Variants in RYR3 observed in about 807,000 individuals in gnomAD.
RYR3 encodes brain ryanodine receptor-calcium release channel.
Under a neutral mutation model 584.3 loss-of-function variants are expected in RYR3, and 207 were observed. That is an observed-to-expected ratio of 0.35 (90% CI 0.32 to 0.40). RYR3 has a LOEUF of 0.40. RYR3 is among the 10% of genes least tolerant of loss of function. RYR3 has a pLI of 1.00. For missense variants in RYR3, 5,616 were observed against 6,089.2 expected (o/e 0.92, Z 2.59); for synonymous variants, 2,416 against 2,248.5 (o/e 1.07, Z -2.11).
chr15:33,350,395 C>G (rs1282276386), intron 1 of RYR3, among the ~76,000 whole-genome samples: 1 of 152,104 alleles, frequency 6.6e-6, no homozygotes, highest in Non-Finnish European at 1.5e-5. Context: ...GAACTCAGCT[C>G]TGCACCAAGT....
At chr15:33,622,926 A>G (rs2060798433) in intron 19 of RYR3, among the ~76,000 whole-genome samples, 1 of 152,198 alleles carries the variant, frequency 6.6e-6, no homozygotes, top group Non-Finnish European at 1.5e-5. Flanking sequence ...ATCTAACTCT[A>G]ACCTAACCCA....
intron 2 of RYR3, among the ~76,000 whole-genome samples, chr15:33,497,728 T>C (rs1240560119): frequency 6.6e-6 from 1 of 152,216 alleles, no homozygotes; most frequent in East Asian, 1.9e-4. Context: ...GTTAGAAACA[T>C]TCAAAATCTG....
intron 48 of RYR3, among the ~76,000 whole-genome samples, chr15:33,734,616 G>T (rs62012615): frequency 0.29 from 43,986 of 151,294 alleles, 7,484 homozygotes; most frequent in African/African-American, 0.47. Flanking sequence ...TAACAAAGTC[G>T]CATTGGTGAG....
chr15:33,555,065 TAG>T (rs2056977790), intron 10 of RYR3, among the ~76,000 whole-genome samples: 1 of 152,214 alleles, frequency 6.6e-6, no homozygotes, highest in African/African-American at 2.4e-5. Flanking sequence ...TGTTCCCAAT[TAG>T]AGGAAATTTT....
chr15:33,336,852 G>C (rs868605192), intron 1 of RYR3, among the ~76,000 whole-genome samples: 1 of 151,476 alleles, frequency 6.6e-6, no homozygotes, highest in East Asian at 2.0e-4. Flanking sequence ...TCAGGAGATC[G>C]AGACCGTCCT....
intron 39 of RYR3, 29 bp from the exon 40 acceptor site, chr15:33,697,853 C>G (rs555974880): frequency 1.1e-4 from 162 of 1,410,822 alleles, no homozygotes; most frequent in Admixed American, 1.5e-4. Flanking sequence ...TAAGCAGGTG[C>G]TGAAGACTCT....
intron 35 of RYR3, among the ~76,000 whole-genome samples, chr15:33,663,280 T>G (rs1043721687): frequency 6.6e-6 from 1 of 152,134 alleles, no homozygotes; most frequent in Non-Finnish European, 1.5e-5. Context: ...CTGGAGCTGG[T>G]TTTTCTACTC....
intron 1 of RYR3, among the ~76,000 whole-genome samples, chr15:33,381,900 C>T (rs1298733867): frequency 6.6e-6 from 1 of 152,180 alleles, no homozygotes; most frequent in South Asian, 2.1e-4. Context: ...TATTATTTCA[C>T]TTAGTTATAT....
At chr15:33,368,237 T>G (rs928089759) in intron 1 of RYR3, among the ~76,000 whole-genome samples, 5 of 151,462 alleles carry the variant, frequency 3.3e-5, no homozygotes, top group Non-Finnish European at 7.4e-5. Flanking sequence ...TTGACTTGCC[T>G]CAACTCATCC....
chr15:33,725,244 C>G (rs991230934), intron 45 of RYR3, among the ~76,000 whole-genome samples: 1 of 149,938 alleles, frequency 6.7e-6, no homozygotes, highest in Admixed American at 6.7e-5. Context: ...TGGGTCCTGC[C>G]CTATCAGTGG....
chr15:33,644,238 A>G, intron 27 of RYR3, 73 bp from the exon 28 acceptor site: 2 of 1,209,634 alleles, frequency 1.7e-6, no homozygotes, highest in Non-Finnish European at 2.4e-6. Context: ...TAAGGAAGCA[A>G]AGATTCAGCT....
chr15:33,720,246 T>C (rs1336067399), intron 43 of RYR3, among the ~76,000 whole-genome samples: 1 of 152,204 alleles, frequency 6.6e-6, no homozygotes, highest in African/African-American at 2.4e-5. Context: ...GCTCTAGGAC[T>C]GGACTACACC....
At chr15:33,559,595 G>A (rs1168092963) in intron 10 of RYR3, among the ~76,000 whole-genome samples, 1 of 152,152 alleles carries the variant, frequency 6.6e-6, no homozygotes, top group Non-Finnish European at 1.5e-5. Context: ...TCAGGGGGCT[G>A]TAAGCTATAG....
rs1377345326 is a variant in RYR3 at position 33,311,103 on chromosome 15, C to G, written c.51+7C>G. 15 of 1,571,186 alleles carry G rather than the reference C, an allele frequency of 9.5e-6. No individual in the cohort carries two copies. The highest frequency in any genetic ancestry group is 1.3e-5 in the Non-Finnish European group (15 of 1,160,272). ...GATCCAGTTTCTGAGGACTGTGAGT[C>G]TCCGCGGCGGGGGCGAGGCCGTGGG... On this transcript the variant is annotated splice_region_variant and intron_variant, in intron 1 of 103. Coordinates refer to ENST00000634891, the MANE Select transcript of RYR3 (RefSeq NM_001036.6). The surrounding 1 kb of genome is among the most constrained non-coding windows in gnomAD (Gnocchi z 4.4).
chr15:33,802,580 C>T (rs944755995), intron 69 of RYR3, among the ~76,000 whole-genome samples: 1 of 152,166 alleles, frequency 6.6e-6, no homozygotes, highest in Non-Finnish European at 1.5e-5. Context: ...AGCAGGAATA[C>T]AAGGGGCACA....
chr15:33,558,651 T>C (rs2057234567), intron 10 of RYR3, among the ~76,000 whole-genome samples: 2 of 152,156 alleles, frequency 1.3e-5, no homozygotes, highest in East Asian at 3.8e-4. Flanking sequence ...GAACTAGAAA[T>C]ACCATTTGAC....
chr15:33,329,007 T>G (rs1970069806), intron 1 of RYR3, among the ~76,000 whole-genome samples: 2 of 152,238 alleles, frequency 1.3e-5, no homozygotes, highest in Non-Finnish European at 2.9e-5. Flanking sequence ...TAATGTAGGC[T>G]GAAGTACTCC....
At chr15:33,791,643 A>G (rs1486463076) in intron 67 of RYR3, among the ~76,000 whole-genome samples, 3 of 152,222 alleles carry the variant, frequency 2.0e-5, no homozygotes, top group Non-Finnish European at 1.5e-5. Flanking sequence ...AGTAAGACCC[A>G]TCAGCACATT....
intron 99 of RYR3, 41 bp downstream of exon 99, chr15:33,857,955 G>A (rs758941775): frequency 1.2e-5 from 19 of 1,552,998 alleles, no homozygotes; most frequent in Non-Finnish European, 1.6e-5. Context: ...ACCCACTGCG[G>A]GGCCACCCCG....
Sources: allele counts gnomAD v4.1 joint callset (sites outside exome capture counted in the v4.1 genomes callset), GRCh38; gene constraint gnomAD v4.1.1; non-coding constraint Gnocchi (gnomAD v3.1); transcripts MANE v1.5; gene names NCBI Gene and HGNC (gene_info 2026-07-23, HGNC 2026-07-21).